EXOC4: variants seen among roughly 807,000 people sequenced by gnomAD.
EXOC4 encodes the protein SEC8-like 1.
EXOC4 carries 71 observed loss-of-function variants against 107.2 expected under a neutral mutation model. That is an observed-to-expected ratio of 0.66 (90% CI 0.55 to 0.81). The LOEUF (loss-of-function observed/expected upper bound fraction) is 0.81. Ranked by LOEUF, EXOC4 falls within the 30% of genes least tolerant of loss-of-function variation. The pLI is 0.00. For synonymous variants in EXOC4, 456 were observed against 441.2 expected (o/e 1.03, Z -0.42); for missense variants, 1,108 against 1,189.6 (o/e 0.93, Z 1.01).
At chr7:133,849,801 A>C (rs1798204999) in intron 11 of EXOC4, among the ~76,000 whole-genome samples, 1 of 152,236 alleles carries the variant, frequency 6.6e-6, no homozygotes, top group South Asian at 2.1e-4. Flanking sequence ...TGAATGAATC[A>C]ATCCAATCTT....
At chr7:133,457,778 A>G (rs1460580554) in intron 7 of EXOC4, among the ~76,000 whole-genome samples, 2 of 152,062 alleles carry the variant, frequency 1.3e-5, no homozygotes, top group African/African-American at 4.8e-5. Context: ...TTGAATAACC[A>G]TTATATTGTA....
chr7:133,584,799 G>C (rs985712729), intron 9 of EXOC4, among the ~76,000 whole-genome samples: 2 of 151,844 alleles, frequency 1.3e-5, no homozygotes, highest in Admixed American at 1.3e-4. Flanking sequence ...GGCTGGTCTC[G>C]AACTCCTGAC....
At chr7:133,921,471 G>T (rs1416676179) in intron 13 of EXOC4, among the ~76,000 whole-genome samples, 1 of 152,068 alleles carries the variant, frequency 6.6e-6, no homozygotes, top group Non-Finnish European at 1.5e-5. Flanking sequence ...CACAACTGAG[G>T]ATTGTTTTTT....
chr7:133,481,936 A>G (rs1231801518), intron 9 of EXOC4, among the ~76,000 whole-genome samples: 1 of 152,190 alleles, frequency 6.6e-6, no homozygotes, highest in African/African-American at 2.4e-5. Flanking sequence ...TGATAACAGA[A>G]CATACATTAT....
At chr7:133,881,543 A>G (rs1798966977) in intron 11 of EXOC4, among the ~76,000 whole-genome samples, 1 of 152,256 alleles carries the variant, frequency 6.6e-6, no homozygotes, top group South Asian at 2.1e-4. Flanking sequence ...GATGCCCATC[A>G]TAGCACCTAG....
chr7:133,625,706 A>G (rs1033230870), intron 9 of EXOC4, among the ~76,000 whole-genome samples: 2 of 152,208 alleles, frequency 1.3e-5, no homozygotes, highest in African/African-American at 4.8e-5. Flanking sequence ...GCCTGTTGCC[A>G]GCTGCCTGGG....
intron 10 of EXOC4, among the ~76,000 whole-genome samples, chr7:133,647,919 G>A (rs1803034820): frequency 6.6e-6 from 1 of 152,026 alleles, no homozygotes; most frequent in Non-Finnish European, 1.5e-5. Flanking sequence ...TAGTTCCCAG[G>A]CCAGGTCAAG....
chr7:133,960,207 G>T (rs1053026834), intron 14 of EXOC4, among the ~76,000 whole-genome samples: 6 of 152,126 alleles, frequency 3.9e-5, no homozygotes, highest in Non-Finnish European at 8.8e-5. Flanking sequence ...AAAAAAAATT[G>T]TCCATCATAA....
intron 10 of EXOC4, among the ~76,000 whole-genome samples, chr7:133,749,957 T>G (rs1795757887): frequency 1.6e-5 from 1 of 62,072 alleles, no homozygotes; most frequent in Non-Finnish European, 3.7e-5. Context: ...GGTTGGCAGT[T>G]TTTTTTTTTT....
At chr7:133,499,065 T>G (rs1799530130) in intron 9 of EXOC4, among the ~76,000 whole-genome samples, 1 of 151,758 alleles carries the variant, frequency 6.6e-6, no homozygotes, top group Non-Finnish European at 1.5e-5. Flanking sequence ...GTAGTATGTC[T>G]TCTTCTTTTA....
At chr7:133,381,345 A>G (rs1385267795) in intron 7 of EXOC4, among the ~76,000 whole-genome samples, 3 of 152,148 alleles carry the variant, frequency 2.0e-5, no homozygotes, top group Non-Finnish European at 4.4e-5. Context: ...GAATGTAAGA[A>G]GAGTAGTAGA....
At chr7:133,534,415 C>G (rs906565957) in intron 9 of EXOC4, among the ~76,000 whole-genome samples, 3 of 152,134 alleles carry the variant, frequency 2.0e-5, no homozygotes, top group Non-Finnish European at 4.4e-5. Flanking sequence ...TCATCACTGT[C>G]ACATTAACAT....
In EXOC4 at chr7:133,967,693, C is replaced by T. The variant is rs531910847; in HGVS notation, c.2206+29624C>T. On this transcript the variant is annotated intron_variant, in intron 14 of 17. Coordinates refer to ENST00000253861, the MANE Select transcript of EXOC4 (RefSeq NM_021807.4). ...TTTGATTGCACTGTGGTCCCAGAGA[C>T]GGTTTGTTATGATTTCCGTTCTTTT... 4.3e-4 allele frequency among the ~76,000 whole-genome samples: 65 copies of T among 152,242 alleles called. No homozygotes were observed. The South Asian group carries it at 6.6e-3, about 16-fold the overall frequency.
intron 10 of EXOC4, among the ~76,000 whole-genome samples, chr7:133,687,437 GA>G (rs59042734): frequency 2.9e-4 from 43 of 150,524 alleles, no homozygotes; most frequent in African/African-American, 8.8e-4. Flanking sequence ...TAAAATTAAA[GA>G]AAAAAAAACT....
intron 11 of EXOC4, among the ~76,000 whole-genome samples, chr7:133,855,040 T>TAA (rs1798319292): frequency 2.0e-4 from 15 of 73,570 alleles, no homozygotes; most frequent in African/African-American, 7.4e-4. Context: ...TATCTAAATA[T>TAA]ATATATATCT....
chr7:133,399,062 T>A (rs1797032870), intron 7 of EXOC4, among the ~76,000 whole-genome samples: 1 of 152,224 alleles, frequency 6.6e-6, no homozygotes, highest in Non-Finnish European at 1.5e-5. Flanking sequence ...ATGTCAGTAC[T>A]ATCCTCTGAA....
At chr7:133,535,740 A>T (rs557995079) in intron 9 of EXOC4, among the ~76,000 whole-genome samples, 199 of 150,514 alleles carry the variant, frequency 1.3e-3, no homozygotes, top group Non-Finnish European at 2.5e-3. Context: ...CTGGAATCAT[A>T]CATATCTATC....
intron 9 of EXOC4, among the ~76,000 whole-genome samples, chr7:133,500,920 C>T (rs534152177): frequency 6.6e-6 from 1 of 152,112 alleles, no homozygotes; most frequent in Admixed American, 6.6e-5. Flanking sequence ...AATCCTTTTT[C>T]TCTTGTGAGA....
At chr7:133,528,051 A>G (rs921076701) in intron 9 of EXOC4, among the ~76,000 whole-genome samples, 7 of 152,216 alleles carry the variant, frequency 4.6e-5, no homozygotes, top group Non-Finnish European at 1.0e-4. Flanking sequence ...GTTGGACCCA[A>G]TAATTTGCAT....
Sources: gnomAD v4.1 joint callset for allele counts (sites outside exome capture counted in the v4.1 genomes callset) on GRCh38, gnomAD v4.1.1 for gene constraint, MANE v1.5 for transcripts, NCBI Gene and HGNC (gene_info 2026-07-23, HGNC 2026-07-21) for gene names.